PKIA: variants seen among roughly 807,000 people sequenced by gnomAD.
PKIA encodes cAMP-dependent protein kinase inhibitor alpha.
Under a neutral mutation model 7.6 loss-of-function variants are expected in PKIA, and 4 were observed. The ratio of observed to expected loss-of-function variants is 0.52; its 90% CI spans 0.26 to 1.20. PKIA has a LOEUF of 1.20. Ranked by LOEUF, PKIA falls within the 50% of genes most tolerant of loss-of-function variation. PKIA has a pLI of 0.13. For synonymous variants in PKIA, 21 were observed against 30.7 expected, an observed-to-expected ratio of 0.68 and a Z score of 1.04; for missense variants, 73 against 86.2, an observed-to-expected ratio of 0.85 and a Z score of 0.61.
chr8:78,524,799 T>C (rs1384833195), intron 1 of PKIA, among the ~76,000 whole-genome samples: 1 of 151,922 alleles, frequency 6.6e-6, no homozygotes, highest in Non-Finnish European at 1.5e-5. Context: ...TAAACGTAAA[T>C]TGTTATTTCA....
intron 1 of PKIA, among the ~76,000 whole-genome samples, chr8:78,545,996 T>C (rs1002805790): frequency 2.0e-5 from 3 of 152,174 alleles, no homozygotes; most frequent in African/African-American, 7.2e-5. Context: ...AGAATGCTCA[T>C]TAGATTATTT....
At chr8:78,538,111 A>G (rs996176412) in intron 1 of PKIA, among the ~76,000 whole-genome samples, 2 of 151,936 alleles carry the variant, frequency 1.3e-5, no homozygotes, top group African/African-American at 4.8e-5. Context: ...GTGCTGACAT[A>G]TAACCCCCAT....
intron 1 of PKIA, among the ~76,000 whole-genome samples, chr8:78,567,286 A>G (rs952164677): frequency 2.0e-5 from 3 of 152,134 alleles, no homozygotes; most frequent in Admixed American, 6.5e-5. Context: ...TTACCTTATC[A>G]TGTCACATTT....
rs1194785546 is a variant in PKIA at position 78,602,118 on chromosome 8, AGAT to A, written c.*304_*306del. On this transcript the variant is annotated 3_prime_UTR_variant, in exon 4 of 4. Coordinates refer to ENST00000396418, the MANE Select transcript of PKIA (RefSeq NM_006823.4). ...TGCTTATAGAGAGTAGCTCCGACCT[AGAT>A]GATGATTCTTCCTGTAGCATCTGGC... is the stretch of plus-strand genomic sequence containing the variant. The A allele has an allele frequency of 3.7e-5, 11 of 294,998 alleles. No homozygotes were observed. Among genetic ancestry groups the A allele is most frequent in the Non-Finnish European group, 5.6e-5 (9 of 160,418 alleles). The allele number at this position is 294,998 out of a possible 1,614,324, so 18.3% of individuals were successfully genotyped here. A position where few individuals can be genotyped will look rare whatever the true frequency, so the allele number is the denominator to read the frequency against.
chr8:78,595,536 A>T (rs929292701), intron 2 of PKIA, among the ~76,000 whole-genome samples: 1 of 152,180 alleles, frequency 6.6e-6, no homozygotes, highest in Non-Finnish European at 1.5e-5. Context: ...TTTATTACCC[A>T]GGTAATAAGC....
rs1367147830 is a variant in PKIA, at chr8:78,603,400, G to A, written c.*1579G>A. Reference sequence around the variant, plus strand: ...CAGCCCTTCTATGTAATTACATACAGGATAAAAGGTAAGTCTGCTCACTTC... The same window carrying A: ...CAGCCCTTCTATGTAATTACATACAAGATAAAAGGTAAGTCTGCTCACTTC... On this transcript the variant is annotated 3_prime_UTR_variant, in exon 4 of 4. Coordinates refer to ENST00000396418, the MANE Select transcript of PKIA (RefSeq NM_006823.4). 6.6e-6 allele frequency: 1 copy of A among 151,886 alleles called. No homozygotes were observed. The highest frequency in any genetic ancestry group is 2.4e-5 in the African/African-American group (1 of 41,362). The allele number at this position is 151,886 out of a possible 1,614,324, so 9.4% of individuals were successfully genotyped here.
chr8:78,538,147 C>G (rs1250462263), intron 1 of PKIA, among the ~76,000 whole-genome samples: 1 of 151,980 alleles, frequency 6.6e-6, no homozygotes, highest in Non-Finnish European at 1.5e-5. Context: ...TTAACTCACT[C>G]TTTATACTAT....
Position 78,548,841 on chromosome 8 carries a change from T to C in PKIA, c.-156-23970T>C, listed in dbSNP as rs565366164. On this transcript the variant is annotated intron_variant, in intron 1 of 3. Transcript: ENST00000396418. ...CACCAGTGACTCTACATCTACAATA[T>C]ATGATGAAATAAAAGATATAATTAT... is the stretch of plus-strand genomic sequence containing the variant. Among the ~76,000 whole-genome samples, 5 of 152,176 alleles carry C rather than the reference T, an allele frequency of 3.3e-5. No homozygotes were observed. In the East Asian group the frequency reaches 9.6e-4, roughly 29 times the overall value.
In PKIA at chr8:78,598,435, A is replaced by T; in HGVS notation, c.51A>T (p.Thr17=). The stretch of plus-strand genomic sequence containing the variant: ...CAGATTTTATTGCTTCAGGAAGAAC[A>T]GGTAGAAGAAATGCAATACATGATA... ...TYADFIASGR[T]GRRNAIHDIL... is the part of the protein sequence containing the mutation. The change falls in exon 3 of 4, where the codon ACA becomes ACT. Residue 17 remains threonine, a synonymous_variant. Transcript: ENST00000396418. 6.2e-7 allele frequency: 1 copy of T among 1,611,122 alleles called. No individual in the cohort carries two copies. The highest frequency in any genetic ancestry group is 8.5e-7 in the Non-Finnish European group (1 of 1,177,656).
chr8:78,556,074 G>A (rs1180434600), intron 1 of PKIA, among the ~76,000 whole-genome samples: 1 of 152,026 alleles, frequency 6.6e-6, no homozygotes, highest in East Asian at 1.9e-4. Flanking sequence ...TTTATGTTTA[G>A]CAGTTATGTA....
chr8:78,525,752 AAT>A (rs1809529344), intron 1 of PKIA, among the ~76,000 whole-genome samples: 3 of 152,024 alleles, frequency 2.0e-5, no homozygotes, highest in Admixed American at 6.6e-5. Context: ...CATTATCATG[AAT>A]ATATTCTGAT....
At chr8:78,563,345 G>C (rs1807328571) in intron 1 of PKIA, among the ~76,000 whole-genome samples, 1 of 152,090 alleles carries the variant, frequency 6.6e-6, no homozygotes, top group African/African-American at 2.4e-5. Flanking sequence ...AAACAATATA[G>C]AAGTCTTGAC....
intron 2 of PKIA, among the ~76,000 whole-genome samples, chr8:78,592,524 T>C (rs140262884): frequency 9.9e-4 from 151 of 152,308 alleles, no homozygotes; most frequent in Non-Finnish European, 1.9e-3. Context: ...CTTCTCACAA[T>C]TGTCTCTATT....
chr8:78,539,298 G>A (rs754213923), intron 1 of PKIA, among the ~76,000 whole-genome samples: 2 of 152,044 alleles, frequency 1.3e-5, no homozygotes, highest in African/African-American at 2.4e-5. Flanking sequence ...ACCCTGTCTC[G>A]ATGTAAGGAA....
intron 1 of PKIA, among the ~76,000 whole-genome samples, chr8:78,566,429 A>C (rs1342007438): frequency 1.3e-5 from 2 of 152,044 alleles, no homozygotes; most frequent in Non-Finnish European, 2.9e-5. Context: ...CTACAAAGCT[A>C]TATGTTCTGT....
chr8:78,565,678 C>T (rs1458664530), intron 1 of PKIA, among the ~76,000 whole-genome samples: 1 of 151,796 alleles, frequency 6.6e-6, no homozygotes, highest in African/African-American at 2.4e-5. Flanking sequence ...CATACACAAC[C>T]CTAAAGTAAT....
rs1808373836 is a variant in PKIA at position 78,602,569 on chromosome 8, TA to T, written c.*749del. On this transcript the variant is annotated 3_prime_UTR_variant, in exon 4 of 4. Coordinates refer to ENST00000396418, the MANE Select transcript of PKIA (RefSeq NM_006823.4). ...TCATCAAGACTCCATTGCTTTATTA[TA>T]GAGACATTTGAAAATATCCATTAAT... 2 of 152,230 alleles carry T rather than the reference TA, an allele frequency of 1.3e-5. No individual in the cohort carries two copies. The highest frequency in any genetic ancestry group is 6.6e-5 in the Admixed American group (1 of 15,176). The allele number at this position is 152,230 out of a possible 1,614,324, so 9.4% of individuals were successfully genotyped here. A position where few individuals can be genotyped will look rare whatever the true frequency, so the allele number is the denominator to read the frequency against.
chr8:78,527,814 A>T (rs1199436092), intron 1 of PKIA, among the ~76,000 whole-genome samples: 1 of 151,968 alleles, frequency 6.6e-6, no homozygotes, highest in East Asian at 1.9e-4. Flanking sequence ...CCCATAAGTT[A>T]TTTGGCCTTC....
At chr8:78,530,398 T>A (rs535922859) in intron 1 of PKIA, among the ~76,000 whole-genome samples, 86 of 152,192 alleles carry the variant, frequency 5.7e-4, no homozygotes, top group African/African-American at 2.0e-3. Flanking sequence ...ATGCCTGGTC[T>A]GCTTCTAGTT....
Sources: gnomAD v4.1 joint callset for allele counts (sites outside exome capture counted in the v4.1 genomes callset) on GRCh38, gnomAD v4.1.1 for gene constraint, MANE v1.5 for transcripts, NCBI Gene and HGNC (gene_info 2026-07-23, HGNC 2026-07-21) for gene names.